Variants in PUDP observed in about 807,000 individuals in gnomAD.
The protein encoded by PUDP is pseudouridine-5'-phosphatase.
In PUDP, 8 loss-of-function variants were observed where a neutral mutation model predicts 9.4. That is an observed-to-expected ratio of 0.85 (90% CI 0.50 to 1.53). The LOEUF is 1.53. Ranked by LOEUF, PUDP falls within the 40% of genes most tolerant of loss-of-function variation. The pLI is 0.00. For synonymous variants in PUDP, 99 were observed against 80.7 expected, an observed-to-expected ratio of 1.23 and a Z score of -1.22; for missense variants, 188 against 189.7, an observed-to-expected ratio of 0.99 and a Z score of 0.05.
chrX:7,062,887 ATT>A (rs199914841), intron 3 of PUDP, among the ~76,000 whole-genome samples: 882 of 79,631 alleles, frequency 0.011, 3 homozygotes, highest in Middle Eastern at 0.021. Context: ...TGACTGCTTA[ATT>A]TTTTTTTTTT....
intron 1 of PUDP, among the ~76,000 whole-genome samples, chrX:6,716,121 T>TAAAAAAA (rs375682882): frequency 1.0e-5 from 1 of 95,424 alleles, no homozygotes. Context: ...ATATGTTAGC[T>TAAAAAAA]AAAAAAAAAA....
At chrX:6,824,218 C>A (rs750399039) in intron 3 of PUDP, among the ~76,000 whole-genome samples, 1 of 111,373 alleles carries the variant, frequency 9.0e-6, no homozygotes, top group African/African-American at 3.3e-5. Context: ...GGCTTTCCCC[C>A]CTTTTGCTCG....
At chrX:7,027,312 A>G (rs1224493993) in intron 1 of PUDP, among the ~76,000 whole-genome samples, 1 of 111,027 alleles carries the variant, frequency 9.0e-6, no homozygotes, top group Non-Finnish European at 1.9e-5. Flanking sequence ...AAGTTGGCTC[A>G]AGTGCTGCCT....
chrX:7,113,665 C>T (rs964598393), intron 1 of PUDP, among the ~76,000 whole-genome samples: 1 of 112,445 alleles, frequency 8.9e-6, no homozygotes, highest in African/African-American at 3.2e-5. Flanking sequence ...TTTGACAGTA[C>T]ATAGTAGCTA....
At chrX:6,934,021 G>A (rs1928251765) in intron 3 of PUDP, among the ~76,000 whole-genome samples, 1 of 101,272 alleles carries the variant, frequency 9.9e-6, no homozygotes, top group South Asian at 4.6e-4. Context: ...GTACCTGAAA[G>A]TGACGGGGAG....
At chrX:6,944,460 C>T (rs1569128490) in intron 3 of PUDP, among the ~76,000 whole-genome samples, 1 of 109,737 alleles carries the variant, frequency 9.1e-6, no homozygotes, top group Non-Finnish European at 1.9e-5. Flanking sequence ...GAGTGAGATA[C>T]ATCAGGGACC....
chrX:7,016,601 C>T (rs1018119160), intron 1 of PUDP, among the ~76,000 whole-genome samples: 2 of 111,197 alleles, frequency 1.8e-5, no homozygotes, highest in African/African-American at 6.6e-5. Flanking sequence ...GTGGTCTATA[C>T]CTTTCTCTAT....
At chrX:6,791,318 C>CAAAA (rs35244825) in intron 3 of PUDP, among the ~76,000 whole-genome samples, 5 of 82,453 alleles carry the variant, frequency 6.1e-5, no homozygotes, top group Admixed American at 1.4e-4. Context: ...GACTCTGTCT[C>CAAAA]AAAAAAAAAA....
chrX:6,916,981 G>GA (rs1398001942), intron 3 of PUDP, among the ~76,000 whole-genome samples: 1 of 111,189 alleles, frequency 9.0e-6, no homozygotes, highest in East Asian at 2.8e-4. Context: ...TCTATGCAGG[G>GA]AAAAAAAAGA....
At chrX:6,881,736 A>G (rs1029064384) in intron 3 of PUDP, among the ~76,000 whole-genome samples, 1 of 110,705 alleles carries the variant, frequency 9.0e-6, no homozygotes, top group Non-Finnish European at 1.9e-5. Context: ...AAAATGGATG[A>G]GTGACTTAAA....
intron 3 of PUDP, among the ~76,000 whole-genome samples, chrX:6,841,200 C>T (rs1926663727): frequency 9.2e-6 from 1 of 109,278 alleles, no homozygotes; most frequent in Admixed American, 9.8e-5. Context: ...TTGCTTGAAC[C>T]CAGGAGGCAG....
chrX:6,731,424 G>A (rs751181541), intron 3 of PUDP, among the ~76,000 whole-genome samples: 9 of 111,413 alleles, frequency 8.1e-5, no homozygotes, highest in Non-Finnish European at 1.7e-4. Context: ...CAAAATCTCA[G>A]TGGACTAAAA....
In PUDP at chrX:7,125,767, C is replaced by T. The variant is rs766659989; in HGVS notation, c.62-19929G>A. Among the ~76,000 whole-genome samples the T allele has an allele frequency of 4.5e-5, 5 of 111,665 alleles. No individual in the cohort carries two copies. In the South Asian group the frequency reaches 1.9e-3, roughly 43 times the overall value. On this transcript the variant is annotated intron_variant, in intron 1 of 3. Coordinates refer to ENST00000381077, the MANE Select transcript of PUDP (RefSeq NM_012080.5). ...TCTCACTTGGCGGCAGACGTGACAG[C>T]GAGCTTGTGCAGGAAAACTCCTTTT...
chrX:7,120,005 A>C (rs1413189751), intron 1 of PUDP, among the ~76,000 whole-genome samples: 2 of 112,217 alleles, frequency 1.8e-5, no homozygotes, highest in African/African-American at 6.5e-5. Context: ...CATACACATA[A>C]GAAAGCAAAA....
At chrX:6,997,593 C>T (rs920090703) in intron 1 of PUDP, among the ~76,000 whole-genome samples, 11 of 112,037 alleles carry the variant, frequency 9.8e-5, no homozygotes, top group Non-Finnish European at 1.5e-4. Context: ...TAAAATAGTG[C>T]AGATTTCCAT....
intron 3 of PUDP, among the ~76,000 whole-genome samples, chrX:7,055,065 A>G (rs185519145): frequency 1.8e-5 from 2 of 111,371 alleles, no homozygotes; most frequent in East Asian, 2.8e-4. Context: ...CTAGGCCCAG[A>G]TGGCAACTGC....
chrX:7,002,173 G>A (rs912501933), intron 1 of PUDP, among the ~76,000 whole-genome samples: 2 of 111,602 alleles, frequency 1.8e-5, no homozygotes, highest in African/African-American at 3.3e-5. Flanking sequence ...CTTTGTAAAA[G>A]AGGAAACACA....
At chrX:6,991,686 A>T (rs191135813) in intron 1 of PUDP, among the ~76,000 whole-genome samples, 4,538 of 109,431 alleles carry the variant, frequency 0.041, 221 homozygotes, top group African/African-American at 0.13. Flanking sequence ...CAAAAAAAAA[A>T]AAAATAAAAT....
chrX:6,799,967 C>A (rs1170903423), intron 3 of PUDP, among the ~76,000 whole-genome samples: 2 of 112,226 alleles, frequency 1.8e-5, no homozygotes, highest in East Asian at 5.5e-4. Flanking sequence ...TTGTTAGTTT[C>A]TCAGGAAAGA....
Sources: allele counts gnomAD v4.1 joint callset (sites outside exome capture counted in the v4.1 genomes callset), GRCh38; gene constraint gnomAD v4.1.1; transcripts MANE v1.5; gene names NCBI Gene and HGNC (gene_info 2026-07-23, HGNC 2026-07-21).